The following SLC38A6 variants were observed in gnomAD, a reference collection of about 807,000 sequenced individuals.
SLC38A6 encodes the protein N system amino acid transporter NAT-1.
In SLC38A6, 73 loss-of-function variants were observed where a neutral mutation model predicts 65.0. That is an observed-to-expected ratio of 1.12 (90% CI 0.93 to 1.37). The LOEUF is 1.37. Ranked by LOEUF, SLC38A6 falls within the 40% of genes most tolerant of loss-of-function variation. The pLI, the probability that SLC38A6 is intolerant of heterozygous loss-of-function variation, is 0.00. For synonymous variants in SLC38A6, 183 were observed against 178.8 expected (o/e 1.02, Z -0.19); for missense variants, 561 against 531.1 (o/e 1.06, Z -0.55).
chr14:61,055,113 T>TC (rs1425131304), downstream of SLC38A6, among the ~76,000 whole-genome samples: 16 of 133,162 alleles, frequency 1.2e-4, no homozygotes, highest in Non-Finnish European at 2.1e-4. Context: ...TTTCTTTTTT[T>TC]TTTTCTTTTT....
At position 61,030,636 on chromosome 14, in the gene SLC38A6, C is replaced by T. The variant is rs2040921407; in HGVS notation, c.482+113C>T. 5.9e-6 allele frequency: 4 copies of T among 675,734 alleles called. No homozygotes were observed. In the Admixed American group the frequency reaches 1.1e-4, roughly 19 times the overall value. The allele number at this position is 675,734 out of a possible 1,614,324, so 41.9% of individuals were successfully genotyped here. ...AGGTAAAATAAATGTAGTCCTTGCC[C>T]TCAAGACAGTTACAAATTAGGCAGA... On this transcript the variant is annotated intron_variant, in intron 6 of 15. Transcript: ENST00000267488.
chr14:61,033,076 C>A (rs1006444560), intron 6 of SLC38A6, among the ~76,000 whole-genome samples: 1 of 151,820 alleles, frequency 6.6e-6, no homozygotes, highest in African/African-American at 2.4e-5. Flanking sequence ...TTTTTAAAAT[C>A]TGTGGCTGTT....
chr14:61,036,786 TTGAC>T (rs1270681671), intron 6 of SLC38A6, among the ~76,000 whole-genome samples: 1 of 152,144 alleles, frequency 6.6e-6, no homozygotes, highest in African/African-American at 2.4e-5. Context: ...CTCACTAATG[TTGAC>T]TATTATCTTA....
chr14:61,003,978 T>TAAAG (rs2038894587), intron 3 of SLC38A6, among the ~76,000 whole-genome samples: 1 of 152,144 alleles, frequency 6.6e-6, no homozygotes, highest in Non-Finnish European at 1.5e-5. Context: ...AGAGATATTC[T>TAAAG]TATAAAACTA....
At chr14:61,065,974 A>T (rs570859181) in intron 15 of SLC38A6, among the ~76,000 whole-genome samples, 2 of 152,244 alleles carry the variant, frequency 1.3e-5, no homozygotes, top group East Asian at 3.9e-4. Flanking sequence ...CTCAAACTGA[A>T]TTAATTTTAA....
At chr14:61,054,573 T>C (rs1005392115), downstream of SLC38A6, among the ~76,000 whole-genome samples, 2 of 152,210 alleles carry the variant, frequency 1.3e-5, no homozygotes, top group African/African-American at 4.8e-5. Flanking sequence ...ATAATTCTCA[T>C]TGTAGAAATC....
chr14:61,040,439 A>T (rs2041724927), intron 8 of SLC38A6, among the ~76,000 whole-genome samples: 1 of 149,590 alleles, frequency 6.7e-6, no homozygotes, highest in African/African-American at 2.5e-5. Context: ...TCCCAGGTTC[A>T]CAGCATTCTC....
At chr14:61,079,368 C>T (rs1042415237) in intron 16 of SLC38A6, among the ~76,000 whole-genome samples, 6 of 151,948 alleles carry the variant, frequency 3.9e-5, no homozygotes, top group Non-Finnish European at 5.9e-5. Context: ...AACTTCTGAC[C>T]TCTGGTGATC....
At position 61,061,118 on chromosome 14, in the gene SLC38A6, G is replaced by C. The variant is rs547140252; in HGVS notation, c.1290+8983G>C. 1.6e-3 allele frequency among the ~76,000 whole-genome samples: 245 copies of C among 152,258 alleles called. 1 individual carries two copies. The highest frequency in any genetic ancestry group is 0.01 in the Middle Eastern group (3 of 294). ...ACGCTGGGAGCTGTAGACCGGAGCTGTTCCTATTCGGCCATCTTGGCTCCT... is the reference window on the plus strand; with the variant it reads ...ACGCTGGGAGCTGTAGACCGGAGCTCTTCCTATTCGGCCATCTTGGCTCCT... On this transcript the variant is annotated intron_variant, in intron 15 of 16. Transcript: ENST00000354886.
At chr14:61,034,376 GGTAAGAAC>G (rs1465634096) in intron 6 of SLC38A6, 121 of 151,820 alleles carry the variant, frequency 8.0e-4, no homozygotes, top group Middle Eastern at 3.4e-3. Flanking sequence ...ATTTTATTAC[GGTAAGAAC>G]ACTTGACATG....
intron 12 of SLC38A6, among the ~76,000 whole-genome samples, chr14:61,047,178 T>C (rs1022466329): frequency 1.3e-5 from 2 of 152,114 alleles, no homozygotes; most frequent in African/African-American, 4.8e-5. Context: ...AAAACTGACC[T>C]CCTTCTTCTC....
At chr14:61,055,408 G>T (rs867227012), downstream of SLC38A6, among the ~76,000 whole-genome samples, 1 of 6,838 alleles carries the variant, frequency 1.5e-4, no homozygotes, top group African/African-American at 5.0e-4. Context: ...GAGAATGATG[G>T]TTTCCAATTT....
At chr14:61,004,615 C>G (rs2038950749) in intron 3 of SLC38A6, 1 of 152,206 alleles carries the variant, frequency 6.6e-6, no homozygotes, top group Non-Finnish European at 1.5e-5. Flanking sequence ...TTGACACATA[C>G]ACCCTCCCAA....
Position 61,015,317 on chromosome 14 carries a change from C to G in SLC38A6, c.311-587C>G, listed in dbSNP as rs552350770. ...TGACTAGGAAAGGGAATTCCCTGAC[C>G]CCTTGCACTTCCCAGGTGAGGTGAT... On this transcript the variant is annotated intron_variant, in intron 3 of 15. Transcript: ENST00000267488. 2.6e-5 allele frequency among the ~76,000 whole-genome samples: 4 copies of G among 152,238 alleles called. No homozygotes were observed. In the East Asian group the frequency reaches 7.7e-4, roughly 29 times the overall value.
chr14:61,062,932 G>C (rs2139921203), intron 15 of SLC38A6, among the ~76,000 whole-genome samples: 1 of 152,268 alleles, frequency 6.6e-6, no homozygotes, highest in East Asian at 1.9e-4. Flanking sequence ...GCCCGCCTCA[G>C]CCTCCCAAAG....
intron 6 of SLC38A6, among the ~76,000 whole-genome samples, chr14:61,034,727 A>G (rs2041235203): frequency 2.0e-5 from 3 of 152,206 alleles, no homozygotes; most frequent in Non-Finnish European, 4.4e-5. Context: ...CTCTTTTAGT[A>G]CTTCCTGCAT....
At chr14:61,003,112 C>G (rs1051059280) in intron 3 of SLC38A6, among the ~76,000 whole-genome samples, 1 of 151,950 alleles carries the variant, frequency 6.6e-6, no homozygotes, top group Middle Eastern at 3.4e-3. Flanking sequence ...TAAAACCAAC[C>G]AGATATTTGG....
Position 61,043,679 on chromosome 14 carries a change from T to A in SLC38A6, c.744+176T>A, listed in dbSNP as rs867607298. Among the ~76,000 whole-genome samples, 6 of 151,748 alleles carry A rather than the reference T, an allele frequency of 4.0e-5. No homozygotes were observed. The Middle Eastern group carries it at 0.017, about 442-fold the overall frequency. On this transcript the variant is annotated intron_variant, in intron 10 of 15. Coordinates refer to ENST00000267488, the MANE Select transcript of SLC38A6 (RefSeq NM_153811.3). ...TATTATTTAACACAGGGTGGCCTAT[T>A]ATGAAACAGCCACCTTTTTTTTTTT...
At position 61,051,841 on chromosome 14, in the gene SLC38A6, C is replaced by A; in HGVS notation, c.1105C>A (p.Arg369Ser). 7 of 1,612,324 alleles carry A rather than the reference C, an allele frequency of 4.3e-6. No homozygotes were observed. Among genetic ancestry groups the A allele is most frequent in the Non-Finnish European group, 5.9e-6 (7 of 1,179,240 alleles). ...FFSNFPFSWI[R>S]HFLITLALNI... Reference sequence around the variant, plus strand: ...CTCCAATTTTCCATTCTCATGGATTCGCCATTTTTTGATCACTCTAGCACT... The same window carrying A: ...CTCCAATTTTCCATTCTCATGGATTAGCCATTTTTTGATCACTCTAGCACT... The change falls in exon 14 of 16, where the codon CGC becomes AGC. Residue 369 changes from arginine to serine, a missense_variant. By Grantham distance (110) the Arg-to-Ser change is moderately radical (BLOSUM62 -1). Transcript: ENST00000267488.
Sources: gnomAD v4.1 joint callset for allele counts (sites outside exome capture counted in the v4.1 genomes callset) on GRCh38, gnomAD v4.1.1 for gene constraint, MANE v1.5 for transcripts, NCBI Gene and HGNC (gene_info 2026-07-23, HGNC 2026-07-21) for gene names.